The following OOSP4B variants were observed in gnomAD, a reference collection of about 807,000 sequenced individuals.
OOSP4B encodes oocyte-secreted protein 4B.
chr11:60,024,114 G>T, intron 2 of OOSP4B, 53 bp downstream of exon 2: 1 of 398,150 alleles, frequency 2.5e-6, no homozygotes, highest in Non-Finnish European at 4.4e-6. Flanking sequence ...TTTTTTCAGG[G>T]CTACATAGTA....
chr11:60,027,870 G>A (rs1854760291), intron 3 of OOSP4B, among the ~76,000 whole-genome samples: 1 of 151,394 alleles, frequency 6.6e-6, no homozygotes, highest in African/African-American at 2.4e-5. Flanking sequence ...AACCTGGGAG[G>A]TGGAGGTTGC....
intron 1 of OOSP4B, chr11:60,022,412 A>T (rs1406796106): frequency 6.6e-6 from 1 of 152,188 alleles, no homozygotes; most frequent in Non-Finnish European, 1.5e-5. Context: ...ACTTTCTTAT[A>T]TGAATAACTT....
At chr11:60,019,232 A>AT (rs1565047517) in intron 1 of OOSP4B, among the ~76,000 whole-genome samples, 2 of 151,710 alleles carry the variant, frequency 1.3e-5, no homozygotes, top group African/African-American at 4.9e-5. Flanking sequence ...CAGAAAAAAA[A>AT]TAAAAAAAAA....
intron 1 of OOSP4B, among the ~76,000 whole-genome samples, chr11:60,018,565 A>T (rs557845989): frequency 6.6e-6 from 1 of 152,336 alleles, no homozygotes; most frequent in African/African-American, 2.4e-5. Context: ...ACCTGAAACC[A>T]GCTGAAACCA....
chr11:60,029,066 C>T (rs552474325), intron 3 of OOSP4B, among the ~76,000 whole-genome samples: 2 of 152,162 alleles, frequency 1.3e-5, no homozygotes, highest in Non-Finnish European at 2.9e-5. Flanking sequence ...CCATTTTTCT[C>T]CCAGATCAAA....
At chr11:60,020,501 G>A (rs1020937233) in intron 1 of OOSP4B, among the ~76,000 whole-genome samples, 8 of 152,216 alleles carry the variant, frequency 5.3e-5, no homozygotes, top group South Asian at 2.1e-4. Context: ...GGGGCCAGCC[G>A]GCGGCTCCGA....
chr11:60,027,963 C>T (rs1473619635), intron 3 of OOSP4B, among the ~76,000 whole-genome samples: 2 of 151,188 alleles, frequency 1.3e-5, no homozygotes, highest in African/African-American at 2.4e-5. Flanking sequence ...TTAGTCTCCT[C>T]CTTTTGGATC....
chr11:60,020,677 C>T (rs1450785438), intron 1 of OOSP4B, among the ~76,000 whole-genome samples: 9 of 152,358 alleles, frequency 5.9e-5, no homozygotes, highest in East Asian at 5.8e-4. Context: ...AGTGCAGCGG[C>T]GGGCTAAAGG....
chr11:60,021,411 G>A (rs1002435940), intron 1 of OOSP4B: 1 of 152,154 alleles, frequency 6.6e-6, no homozygotes, highest in East Asian at 1.9e-4. Flanking sequence ...TGAAACCTGA[G>A]TCAGGCACTT....
intron 1 of OOSP4B, among the ~76,000 whole-genome samples, chr11:60,018,067 G>A (rs991955997): frequency 3.3e-5 from 5 of 152,168 alleles, no homozygotes; most frequent in African/African-American, 1.2e-4. Flanking sequence ...AAAATAAGAT[G>A]ATGAGAGGCC....
intron 3 of OOSP4B, among the ~76,000 whole-genome samples, chr11:60,028,595 T>C (rs531635857): frequency 1.3e-5 from 2 of 152,204 alleles, no homozygotes; most frequent in African/African-American, 2.4e-5. Flanking sequence ...CATACTTAGT[T>C]TTCTTCCTTC....
intron 3 of OOSP4B, among the ~76,000 whole-genome samples, chr11:60,028,718 T>C (rs1854772039): frequency 6.6e-6 from 1 of 152,230 alleles, no homozygotes; most frequent in African/African-American, 2.4e-5. Context: ...CTGTGTTTGC[T>C]GGGATAGAGT....
intron 1 of OOSP4B, among the ~76,000 whole-genome samples, chr11:60,020,763 C>T (rs2134623094): frequency 6.6e-6 from 1 of 152,358 alleles, no homozygotes; most frequent in East Asian, 1.9e-4. Flanking sequence ...GGGCTGCCAG[C>T]ACGCTGTCAC....
chr11:60,020,436 G>A (rs1353394631), intron 1 of OOSP4B, among the ~76,000 whole-genome samples: 1 of 152,312 alleles, frequency 6.6e-6, no homozygotes, highest in East Asian at 1.9e-4. Context: ...GCGAGAAGTC[G>A]AGCACAGCAG....
At chr11:60,025,934 A>T (rs553601371) in intron 3 of OOSP4B, among the ~76,000 whole-genome samples, 1 of 152,280 alleles carries the variant, frequency 6.6e-6, no homozygotes, top group East Asian at 1.9e-4. Context: ...GTGCATAGTC[A>T]TATTTAATTT....
At chr11:60,017,587 G>A (rs1286417991) in intron 1 of OOSP4B, among the ~76,000 whole-genome samples, 174 bp downstream of exon 1, 1 of 151,988 alleles carries the variant, frequency 6.6e-6, no homozygotes, top group Non-Finnish European at 1.5e-5. Context: ...CCAACAGGTA[G>A]GGCTGCCTGT....
exon 1 of OOSP4B, chr11:60,017,291 T>C (rs1402629400): frequency 3.0e-5 from 12 of 398,310 alleles, no homozygotes; most frequent in Non-Finnish European, 4.4e-5. Context: ...CAGAGGGTAA[T>C]TGCAGACAGC....
At chr11:60,020,337 G>A (rs773612078) in intron 1 of OOSP4B, among the ~76,000 whole-genome samples, 9 of 152,270 alleles carry the variant, frequency 5.9e-5, no homozygotes, top group South Asian at 2.1e-4. Flanking sequence ...GGCTCCTGCC[G>A]CTGCAGGAGC....
intron 3 of OOSP4B, among the ~76,000 whole-genome samples, chr11:60,027,893 T>C (rs1313098536): frequency 6.6e-6 from 1 of 150,954 alleles, no homozygotes; most frequent in African/African-American, 2.4e-5. Flanking sequence ...TGAGCTGAGA[T>C]AGCGCCACTG....
Sources: allele counts gnomAD v4.1 joint callset (sites outside exome capture counted in the v4.1 genomes callset), GRCh38; gene constraint gnomAD v4.1.1; transcripts MANE v1.5; gene names NCBI Gene and HGNC (gene_info 2026-07-23, HGNC 2026-07-21).